The following CNPY4 variants were observed in gnomAD, a reference collection of about 807,000 sequenced individuals.
CNPY4 encodes protein canopy homolog 4.
In CNPY4, 33 loss-of-function variants were observed where a neutral mutation model predicts 30.1. That is an observed-to-expected ratio of 1.10 (90% confidence interval 0.83 to 1.46). CNPY4 has a LOEUF of 1.46. Among genes scored for constraint, CNPY4 ranks in the 40% most tolerant of loss-of-function variants. The probability of loss-of-function intolerance (pLI) is 0.00; values close to 1 mark genes in which losing one functional copy is unlikely to be tolerated. For synonymous variants in CNPY4, 109 were observed against 110.1 expected (o/e 0.99, Z 0.06); for missense variants, 324 against 302.6 (o/e 1.07, Z -0.52).
rs1798178183 is a variant in CNPY4 at position 100,125,100 on chromosome 7, G to A, written c.*212G>A. ...GGTGGGGGTGGAGGTCCTGCTCCTAGAGATGAACTCTATCCAGCCCCTTAA... is the reference window on the plus strand; with the variant it reads ...GGTGGGGGTGGAGGTCCTGCTCCTAAAGATGAACTCTATCCAGCCCCTTAA... On this transcript the variant is annotated 3_prime_UTR_variant, in exon 6 of 6. Transcript: ENST00000262932. The A allele has an allele frequency of 1.8e-6, 1 of 555,236 alleles. No homozygotes were observed. The highest frequency in any genetic ancestry group is 1.9e-5 in the African/African-American group (1 of 53,292). The allele number at this position is 555,236 out of a possible 1,614,324, so 34.4% of individuals were successfully genotyped here.
Position 100,122,321 on chromosome 7 carries a change from G to T in CNPY4, c.181G>T (p.Val61Leu), listed in dbSNP as rs750265469. The stretch of plus-strand genomic sequence containing the variant: ...GAGTCGCACCGGTCGATCTCGAGAG[G>T]TGCTGGAGCTGGGGCAGGTGCTGGA... ...ELSRTGRSRE[V>L]LELGQVLDTG... The change falls in exon 2 of 6, where the codon GTG becomes TTG. Residue 61 changes from valine to leucine, a missense_variant. Coordinates refer to ENST00000262932, the MANE Select transcript of CNPY4 (RefSeq NM_152755.2). 3.1e-6 allele frequency: 5 copies of T among 1,614,062 alleles called. No homozygotes were observed. The African/African-American group carries it at 6.7e-5, about 22-fold the overall frequency.
rs202216160 is a variant in CNPY4 at position 100,120,084 on chromosome 7, A to AC, written c.118+228dup. The AC allele has an allele frequency of 2.2e-3, 944 of 422,770 alleles. 3 individuals are homozygous for AC. Among genetic ancestry groups the AC allele is most frequent in the African/African-American group, 0.01 (486 of 48,232 alleles). The allele number at this position is 422,770 out of a possible 1,614,324, so 26.2% of individuals were successfully genotyped here. On this transcript the variant is annotated intron_variant, in intron 1 of 5. Transcript: ENST00000262932. ...CCTGCATTTTTTTGGCTGGCTTGGA[A>AC]CCCCCCGCCCGCCAATGGATTGTGG...
In CNPY4 at chr7:100,122,244, TCTC is replaced by T. The variant is rs773844068; in HGVS notation, c.119-10_119-8del. On this transcript the variant is annotated splice_polypyrimidine_tract_variant and intron_variant, in intron 1 of 5. Transcript: ENST00000262932. ...TGTCTTTTACCTCCCCCCGGACGTTTCTCCTCCCCACCAGTGTGTAAGCTGCTG... is the reference window on the plus strand; with the variant it reads ...TGTCTTTTACCTCCCCCCGGACGTTTCTCCCCACCAGTGTGTAAGCTGCTG... 2 of 1,613,504 alleles carry T rather than the reference TCTC, an allele frequency of 1.2e-6. No homozygotes were observed. Among genetic ancestry groups the T allele is most frequent in the South Asian group, 1.1e-5 (1 of 91,044 alleles).
At position 100,119,712 on chromosome 7, in the gene CNPY4, C is replaced by T. The variant is rs778158272; in HGVS notation, c.-33C>T. On this transcript the variant is annotated 5_prime_UTR_variant, in exon 1 of 6. Coordinates refer to ENST00000262932, the MANE Select transcript of CNPY4 (RefSeq NM_152755.2). ...CACACTACCTTCCCGAAGTTGAAGG[C>T]AAGCGGTGATTGTTTGTAGACGGCG... The T allele has an allele frequency of 2.5e-6, 4 of 1,614,028 alleles. No individual in the cohort carries two copies. The highest frequency in any genetic ancestry group is 3.4e-6 in the Non-Finnish European group (4 of 1,179,966).
chr7:100,121,532 C>A (rs1162705474), intron 1 of CNPY4: 3 of 151,978 alleles, frequency 2.0e-5, no homozygotes, highest in African/African-American at 7.2e-5. Context: ...ACTGCAACCT[C>A]CACCTCCTGG....
At chr7:100,120,447 A>G (rs1186864943) in intron 1 of CNPY4, 1 of 152,314 alleles carries the variant, frequency 6.6e-6, no homozygotes, top group Non-Finnish European at 1.5e-5. Context: ...CCATAGCTGC[A>G]CTAGCGTGGG....
Position 100,119,769 on chromosome 7 carries a change from T to C in CNPY4, c.25T>C (p.Leu9=), listed in dbSNP as rs1409865348. ...CATGGGACCTGTGCGGTTGGGAATA[T>C]TGCTTTTCCTTTTTTTGGCCGTGCA... The part of the protein sequence containing the change: MGPVRLGI[L]LFLFLAVHEA... Residue 9 remains leucine (L), a synonymous_variant, in exon 1 of 6, where the codon TTG becomes CTG. Coordinates refer to ENST00000262932, the MANE Select transcript of CNPY4 (RefSeq NM_152755.2). 1 of 1,614,056 alleles carries C rather than the reference T, an allele frequency of 6.2e-7. No homozygotes were observed. Among genetic ancestry groups the C allele is most frequent in the Non-Finnish European group, 8.5e-7 (1 of 1,180,008 alleles).
At chr7:100,121,112 A>ATTT (rs1798040006) in intron 1 of CNPY4, 15 of 30,712 alleles carry the variant, frequency 4.9e-4, no homozygotes, top group Non-Finnish European at 7.0e-4. Context: ...ATATATATAT[A>ATTT]TATATTTTTT....
chr7:100,120,569 A>G (rs1056155047), intron 1 of CNPY4, among the ~76,000 whole-genome samples: 14 of 152,192 alleles, frequency 9.2e-5, no homozygotes, highest in Non-Finnish European at 1.3e-4. Context: ...ACTGTATTCC[A>G]GTATCATGAA....
At position 100,125,051 on chromosome 7, in the gene CNPY4, C is replaced by A; in HGVS notation, c.*163C>A. 1.2e-5 allele frequency: 9 copies of A among 745,014 alleles called. No homozygotes were observed. The highest frequency in any genetic ancestry group is 2.8e-5 in the East Asian group (1 of 36,338). 46.2% of individuals were successfully genotyped at this position (745,014 alleles called of 1,614,324 possible). ...CTCAGGCAAGATCCTGGTGAAACAG[C>A]ATGACATGGCTTCTGGGGTGGAGGG... On this transcript the variant is annotated 3_prime_UTR_variant, in exon 6 of 6. Coordinates refer to ENST00000262932, the MANE Select transcript of CNPY4 (RefSeq NM_152755.2).
intron 1 of CNPY4, chr7:100,121,110 ATATATATTTTTTTTTTTTTTTTTTTTT>A (rs1798038951): frequency 3.5e-5 from 1 of 28,398 alleles, no homozygotes; most frequent in South Asian, 1.2e-3. Flanking sequence ...ATATATATAT[ATATATATTTTTTTTTTTTTTTTTTTTT>A]TTTTTTTTTT....
chr7:100,121,866 C>T (rs979022975), intron 1 of CNPY4, among the ~76,000 whole-genome samples: 220 of 146,036 alleles, frequency 1.5e-3, no homozygotes, highest in African/African-American at 4.5e-3. Flanking sequence ...CTGGCTAACA[C>T]GGTGAAACCC....
At chr7:100,120,028 T>TAGTG (rs1797983867) in intron 1 of CNPY4, 166 bp downstream of exon 1, 1 of 560,896 alleles carries the variant, frequency 1.8e-6, no homozygotes, top group East Asian at 3.3e-5. Context: ...AGCGAACGTG[T>TAGTG]AGTGCCACCT....
intron 4 of CNPY4, among the ~76,000 whole-genome samples, chr7:100,123,129 G>A (rs1361465613): frequency 6.6e-6 from 1 of 151,996 alleles, no homozygotes; most frequent in Non-Finnish European, 1.5e-5. Flanking sequence ...ATCACCTGAG[G>A]TCATAAGTTC....
rs752288070 is a variant in CNPY4 at position 100,122,255 on chromosome 7, C to G, written c.119-4C>G. ...TCCCCCCGGACGTTTCTCCTCCCCACCAGTGTGTAAGCTGCTGAGCACAGA... is the reference window on the plus strand; with the variant it reads ...TCCCCCCGGACGTTTCTCCTCCCCAGCAGTGTGTAAGCTGCTGAGCACAGA... On this transcript the variant is annotated splice_polypyrimidine_tract_variant and splice_region_variant and intron_variant, in intron 1 of 5. Transcript: ENST00000262932. The G allele has an allele frequency of 6.2e-7, 1 of 1,613,916 alleles. No homozygotes were observed. The highest frequency in any genetic ancestry group is 1.1e-5 in the South Asian group (1 of 91,074).
rs775517744 is a variant in CNPY4 at position 100,124,795 on chromosome 7, G to A, written c.654G>A (p.Glu218=). Residue 218 remains glutamate, a synonymous_variant, in exon 6 of 6, where the codon GAG becomes GAA. Coordinates refer to ENST00000262932, the MANE Select transcript of CNPY4 (RefSeq NM_152755.2). The part of the protein sequence containing the change: ...DGEEKTEGEE[E]QEEEEEEEEE... ...AAGAGAAAACAGAAGGGGAGGAAGAGCAGGAGGAGGAGGAGGAAGAGGAGG... is the reference window on the plus strand; with the variant it reads ...AAGAGAAAACAGAAGGGGAGGAAGAACAGGAGGAGGAGGAGGAAGAGGAGG... 1.9e-6 allele frequency: 3 copies of A among 1,612,844 alleles called. No individual in the cohort carries two copies. The South Asian group carries it at 3.3e-5, about 18-fold the overall frequency.
rs375399108 is a variant in CNPY4 at position 100,119,898 on chromosome 7, G to A, written c.118+36G>A. 5.2e-6 allele frequency: 8 copies of A among 1,547,000 alleles called. No individual in the cohort carries two copies. The Admixed American group carries it at 8.0e-5, about 16-fold the overall frequency. ...GGGGTAGCCCCTATAGGCATCGCCCGGCCACACCTCCTTCTTCTAGGCCGG... is the reference window on the plus strand; with the variant it reads ...GGGGTAGCCCCTATAGGCATCGCCCAGCCACACCTCCTTCTTCTAGGCCGG... On this transcript the variant is annotated intron_variant, in intron 1 of 5. Coordinates refer to ENST00000262932, the MANE Select transcript of CNPY4 (RefSeq NM_152755.2).
chr7:100,120,592 C>T (rs1798006934), intron 1 of CNPY4, among the ~76,000 whole-genome samples: 1 of 152,210 alleles, frequency 6.6e-6, no homozygotes, highest in Admixed American at 6.5e-5. Context: ...GCAGTCATGA[C>T]AGTCTCATGA....
chr7:100,121,076 C>G (rs1264610605), intron 1 of CNPY4: 1 of 79,838 alleles, frequency 1.3e-5, no homozygotes, highest in Non-Finnish European at 2.5e-5. Context: ...TATTATTATC[C>G]AATTGTATTA....
Sources: gnomAD v4.1 joint callset for allele counts (sites outside exome capture counted in the v4.1 genomes callset) on GRCh38, gnomAD v4.1.1 for gene constraint, MANE v1.5 for transcripts, NCBI Gene and HGNC (gene_info 2026-07-23, HGNC 2026-07-21) for gene names.